The following DLG2 variants were observed in gnomAD, a reference collection of about 807,000 sequenced individuals.
DLG2 encodes the protein disks large homolog 2.
Under a neutral mutation model 132.5 loss-of-function variants are expected in DLG2, and 45 were observed. The observed-to-expected ratio is 0.34, with a 90% CI of 0.27 to 0.44. The LOEUF (loss-of-function observed/expected upper bound fraction) is 0.44, where lower values mean the gene tolerates loss of function less well. DLG2 is among the 20% of genes least tolerant of loss of function. DLG2 has a pLI of 1.00. For synonymous variants in DLG2, 424 were observed against 419.6 expected (o/e 1.01, Z -0.13); for missense variants, 1,045 against 1,196.9 (o/e 0.87, Z 1.87).
At chr11:84,817,054 G>A (rs1399009449) in intron 6 of DLG2, among the ~76,000 whole-genome samples, 1 of 151,964 alleles carries the variant, frequency 6.6e-6, no homozygotes, top group Non-Finnish European at 1.5e-5. Flanking sequence ...TAATGGATGT[G>A]AAAGTAATTT....
At chr11:85,385,596 G>A (rs1424362799) in intron 3 of DLG2, among the ~76,000 whole-genome samples, 2 of 152,102 alleles carry the variant, frequency 1.3e-5, no homozygotes, top group Non-Finnish European at 2.9e-5. Flanking sequence ...CAAGATTTAA[G>A]AAATAAATAA....
intron 18 of DLG2, among the ~76,000 whole-genome samples, chr11:83,677,168 G>C (rs1333351406): frequency 6.6e-6 from 1 of 151,942 alleles, no homozygotes; most frequent in African/African-American, 2.4e-5. Context: ...TTTATTAAAA[G>C]TTCAAATGAT....
chr11:85,056,925 C>A (rs1406371724), intron 6 of DLG2, among the ~76,000 whole-genome samples: 1 of 151,666 alleles, frequency 6.6e-6, no homozygotes, highest in Non-Finnish European at 1.5e-5. Flanking sequence ...ACCAGCAGAT[C>A]TATATTTTAA....
chr11:84,048,845 AAC>A (rs908686577), intron 11 of DLG2, among the ~76,000 whole-genome samples: 3 of 151,584 alleles, frequency 2.0e-5, no homozygotes, highest in Non-Finnish European at 4.4e-5. Flanking sequence ...AAGAAAAAAA[AAC>A]ACACACACAC....
At chr11:85,034,584 TC>T (rs1164648819) in intron 6 of DLG2, among the ~76,000 whole-genome samples, 1 of 152,156 alleles carries the variant, frequency 6.6e-6, no homozygotes, top group African/African-American at 2.4e-5. Context: ...TCCTTTTTTC[TC>T]CAGCATAAGA....
chr11:84,411,215 A>T (rs2098901070), intron 7 of DLG2, among the ~76,000 whole-genome samples: 1 of 152,232 alleles, frequency 6.6e-6, no homozygotes, highest in South Asian at 2.1e-4. Context: ...TGAAATGCTG[A>T]TTCCAAAAAT....
At chr11:84,325,591 A>C (rs1220509035) in intron 7 of DLG2, among the ~76,000 whole-genome samples, 1 of 152,224 alleles carries the variant, frequency 6.6e-6, no homozygotes, top group Admixed American at 6.5e-5. Flanking sequence ...TGCATCTCAG[A>C]AATAAATTCC....
chr11:84,098,497 G>A (rs956883731), intron 10 of DLG2, among the ~76,000 whole-genome samples: 4 of 151,996 alleles, frequency 2.6e-5, no homozygotes, highest in African/African-American at 9.7e-5. Flanking sequence ...CTCTCTAAAC[G>A]CCTAGAGAAA....
intron 9 of DLG2, among the ~76,000 whole-genome samples, chr11:84,100,980 T>A (rs935848196): frequency 3.3e-5 from 5 of 152,186 alleles, no homozygotes; most frequent in Non-Finnish European, 7.4e-5. Flanking sequence ...ATACTTCTGA[T>A]GTTTTCTCTA....
In DLG2 at chr11:83,600,236, G is replaced by GGTGTGTGTGTGTGTGTGT. The variant is rs57674131; in HGVS notation, c.1940+32957_1940+32974dup. Among the ~76,000 whole-genome samples the GGTGTGTGTGTGTGTGTGT allele has an allele frequency of 1.8e-3, 255 of 145,622 alleles. 1 individual carries two copies. The highest frequency in any genetic ancestry group is 3.0e-3 in the African/African-American group (117 of 39,176). Reference sequence around the variant, plus strand: ...GATGAGTTCACACAGCTAGCTATAGGGTGTGTGTGTGTGTGTGTGTGTGTG... The same window carrying GGTGTGTGTGTGTGTGTGT: ...GATGAGTTCACACAGCTAGCTATAGGGTGTGTGTGTGTGTGTGTGTGTGTGTGTGTGTGTGTGTGTGTG... On this transcript the variant is annotated intron_variant, in intron 19 of 27. Transcript: ENST00000376104.
chr11:83,737,877 C>A (rs1360608267), intron 18 of DLG2, among the ~76,000 whole-genome samples: 1 of 152,128 alleles, frequency 6.6e-6, no homozygotes, highest in Non-Finnish European at 1.5e-5. Context: ...TCTGTACTTG[C>A]AATTTTCCTG....
intron 19 of DLG2, among the ~76,000 whole-genome samples, chr11:83,599,886 G>T (rs1483286197): frequency 6.6e-6 from 1 of 152,220 alleles, no homozygotes; most frequent in Non-Finnish European, 1.5e-5. Flanking sequence ...GGGCTGTAGA[G>T]ATATCTTTGA....
chr11:85,474,699 T>TA (rs1014287292), intron 3 of DLG2, among the ~76,000 whole-genome samples: 22 of 151,980 alleles, frequency 1.4e-4, no homozygotes, highest in Admixed American at 2.6e-4. Context: ...AGGTAGCCTT[T>TA]AAAATCAAGT....
chr11:84,638,309 T>C (rs2099644181), intron 6 of DLG2, among the ~76,000 whole-genome samples: 3 of 152,240 alleles, frequency 2.0e-5, no homozygotes, highest in South Asian at 2.1e-4. Flanking sequence ...TTAACTTTCA[T>C]TAAAATTCAG....
intron 4 of DLG2, among the ~76,000 whole-genome samples, chr11:85,157,719 T>C (rs538406396): frequency 5.9e-5 from 9 of 152,138 alleles, no homozygotes; most frequent in East Asian, 3.9e-4. Context: ...AGATATGAAA[T>C]TGTGGGAAAA....
At chr11:85,018,900 T>C (rs748788524) in intron 6 of DLG2, among the ~76,000 whole-genome samples, 3 of 152,144 alleles carry the variant, frequency 2.0e-5, no homozygotes, top group African/African-American at 4.8e-5. Context: ...GTATCAACTT[T>C]AGAAAACAAA....
intron 6 of DLG2, among the ~76,000 whole-genome samples, chr11:84,600,000 A>G (rs1338271377): frequency 2.0e-5 from 3 of 150,470 alleles, no homozygotes; most frequent in African/African-American, 7.4e-5. Flanking sequence ...TGAGGTAGGA[A>G]GATCACCTGA....
intron 3 of DLG2, among the ~76,000 whole-genome samples, chr11:85,438,640 T>C (rs1175336258): frequency 6.6e-6 from 1 of 152,218 alleles, no homozygotes; most frequent in African/African-American, 2.4e-5. Flanking sequence ...CACACAATGA[T>C]ATCACTCATA....
chr11:85,565,798 C>T (rs567999647), intron 3 of DLG2, among the ~76,000 whole-genome samples: 123 of 152,092 alleles, frequency 8.1e-4, no homozygotes, highest in African/African-American at 2.6e-3. Context: ...CTATGACTAC[C>T]GCTGCTATGA....
Sources: allele counts gnomAD v4.1 joint callset (sites outside exome capture counted in the v4.1 genomes callset), GRCh38; gene constraint gnomAD v4.1.1; transcripts MANE v1.5; gene names NCBI Gene and HGNC (gene_info 2026-07-23, HGNC 2026-07-21).